EXOC6B: variants seen among roughly 807,000 people sequenced by gnomAD.
EXOC6B encodes SEC15 homolog B.
EXOC6B carries 54 observed loss-of-function variants against 113.5 expected under a neutral mutation model. The observed-to-expected ratio is 0.48, with a 90% confidence interval of 0.38 to 0.60. The LOEUF (loss-of-function observed/expected upper bound fraction) is 0.60, where lower values mean the gene tolerates loss of function less well. EXOC6B is among the 20% of genes least tolerant of loss of function. EXOC6B has a pLI of 0.00. For missense variants in EXOC6B, 797 were observed against 977.5 expected (o/e 0.82, Z 2.46); for synonymous variants, 357 against 339.0 (o/e 1.05, Z -0.58).
intron 8 of EXOC6B, among the ~76,000 whole-genome samples, chr2:72,534,575 G>A (rs756814562): frequency 9.9e-5 from 15 of 152,010 alleles, no homozygotes; most frequent in South Asian, 2.1e-4. Flanking sequence ...GCAACTTTAC[G>A]TACGCTTAAG....
At chr2:72,263,742 T>G (rs991203624) in intron 20 of EXOC6B, among the ~76,000 whole-genome samples, 1 of 152,134 alleles carries the variant, frequency 6.6e-6, no homozygotes, top group Non-Finnish European at 1.5e-5. Context: ...GAAAATGAGC[T>G]AGAAGATGAT....
intron 8 of EXOC6B, among the ~76,000 whole-genome samples, chr2:72,553,005 T>C (rs1703327124): frequency 6.6e-6 from 1 of 151,788 alleles, no homozygotes; most frequent in Admixed American, 6.6e-5. Flanking sequence ...ATGATTCCAG[T>C]CAATACAGTA....
rs1701148053 is a variant in EXOC6B at position 72,515,090 on chromosome 2, GT to G, written c.951del (p.Lys317AsnfsTer21). ...ACCAAACGAGCCTGTTTTCGCCTCT[GT>G]TTTCGGTAGTAATTCTCAAATGTTT... ...ARETFENYYR[K>X]QRRKQARLVL... On this transcript the variant is annotated frameshift_variant, in exon 9 of 22. Coordinates refer to ENST00000272427, the MANE Select transcript of EXOC6B (RefSeq NM_015189.3). LOFTEE classifies it high-confidence loss of function. 6.2e-7 allele frequency: 1 copy of G among 1,606,964 alleles called. No individual in the cohort carries two copies. The highest frequency in any genetic ancestry group is 1.7e-5 in the Admixed American group (1 of 59,218).
At chr2:72,706,775 A>G (rs1678907446) in intron 6 of EXOC6B, among the ~76,000 whole-genome samples, 1 of 152,150 alleles carries the variant, frequency 6.6e-6, no homozygotes, top group Admixed American at 6.5e-5. Context: ...CACTCATCCT[A>G]TCAAGAGATA....
intron 1 of EXOC6B, among the ~76,000 whole-genome samples, chr2:72,817,359 C>T (rs940246737): frequency 1.3e-5 from 2 of 152,130 alleles, no homozygotes; most frequent in African/African-American, 4.8e-5. Flanking sequence ...TATGTAGAGG[C>T]TTTTGAAATT....
At chr2:72,428,230 GA>G (rs1039408719) in intron 18 of EXOC6B, among the ~76,000 whole-genome samples, 5 of 152,200 alleles carry the variant, frequency 3.3e-5, no homozygotes, top group Admixed American at 2.0e-4. Context: ...AAACAGGGCT[GA>G]AACACACCCC....
chr2:72,348,506 A>G (rs1040148317), intron 19 of EXOC6B, among the ~76,000 whole-genome samples: 6 of 152,164 alleles, frequency 3.9e-5, no homozygotes, highest in African/African-American at 9.6e-5. Flanking sequence ...TCTTCTCTTC[A>G]TCTCATTTTT....
At chr2:72,626,070 CTA>C (rs1337375482) in intron 6 of EXOC6B, among the ~76,000 whole-genome samples, 3 of 151,954 alleles carry the variant, frequency 2.0e-5, no homozygotes, top group Non-Finnish European at 4.4e-5. Flanking sequence ...CAATCTAAAG[CTA>C]TGTTTTTCCC....
At chr2:72,791,690 T>G (rs902597726) in intron 1 of EXOC6B, among the ~76,000 whole-genome samples, 1 of 152,218 alleles carries the variant, frequency 6.6e-6, no homozygotes, top group African/African-American at 2.4e-5. Context: ...AGCTGGGAAG[T>G]AGTCAATACC....
chr2:72,628,793 G>A (rs1573514298), intron 6 of EXOC6B, among the ~76,000 whole-genome samples: 1 of 152,122 alleles, frequency 6.6e-6, no homozygotes, highest in South Asian at 2.1e-4. Context: ...CATTTCTGTT[G>A]TTTATAAGCC....
intron 1 of EXOC6B, among the ~76,000 whole-genome samples, chr2:72,747,556 T>C (rs1159375186): frequency 6.6e-6 from 1 of 152,076 alleles, no homozygotes; most frequent in Non-Finnish European, 1.5e-5. Context: ...TATGACTTAA[T>C]AAATTTCCCA....
At chr2:72,639,826 C>A (rs1673101742) in intron 6 of EXOC6B, among the ~76,000 whole-genome samples, 1 of 152,118 alleles carries the variant, frequency 6.6e-6, no homozygotes, top group Non-Finnish European at 1.5e-5. Flanking sequence ...CAATCGTATT[C>A]TCAAAGTCAT....
intron 1 of EXOC6B, among the ~76,000 whole-genome samples, chr2:72,789,200 C>T (rs1684539264): frequency 6.6e-6 from 1 of 152,126 alleles, no homozygotes; most frequent in Non-Finnish European, 1.5e-5. Flanking sequence ...TCCCAAAATC[C>T]CAAAGGAACT....
chr2:72,810,014 C>A (rs1685792612), intron 1 of EXOC6B, among the ~76,000 whole-genome samples: 1 of 152,108 alleles, frequency 6.6e-6, no homozygotes, highest in African/African-American at 2.4e-5. Context: ...CAAACTTTAA[C>A]AAATTTAAAA....
intron 19 of EXOC6B, among the ~76,000 whole-genome samples, chr2:72,365,194 A>G (rs1394456648): frequency 3.1e-4 from 47 of 151,970 alleles, no homozygotes; most frequent in Non-Finnish European, 7.4e-5. Context: ...TTCTTCCTGT[A>G]CTTTTCTTTT....
At chr2:72,549,050 A>C (rs1470000375) in intron 8 of EXOC6B, among the ~76,000 whole-genome samples, 1 of 152,092 alleles carries the variant, frequency 6.6e-6, no homozygotes, top group African/African-American at 2.4e-5. Context: ...AATAAGAACT[A>C]GTAAGATAAA....
intron 8 of EXOC6B, among the ~76,000 whole-genome samples, chr2:72,550,891 C>T (rs971538089): frequency 5.3e-5 from 8 of 151,122 alleles, no homozygotes; most frequent in African/African-American, 1.9e-4. Context: ...ATAACAATTA[C>T]GAGATAACTG....
At chr2:72,218,457 T>C (rs1226515215) in intron 20 of EXOC6B, among the ~76,000 whole-genome samples, 1 of 152,224 alleles carries the variant, frequency 6.6e-6, no homozygotes, top group Admixed American at 6.5e-5. Flanking sequence ...TATGTATATG[T>C]ATGTATTTAT....
At chr2:72,419,560 A>G (rs1694738641) in intron 18 of EXOC6B, among the ~76,000 whole-genome samples, 1 of 151,912 alleles carries the variant, frequency 6.6e-6, no homozygotes, top group Non-Finnish European at 1.5e-5. Context: ...TTGAAGGACA[A>G]TTTTTCCAGA....
Sources: allele counts gnomAD v4.1 joint callset (sites outside exome capture counted in the v4.1 genomes callset), GRCh38; gene constraint gnomAD v4.1.1; transcripts MANE v1.5; gene names NCBI Gene and HGNC (gene_info 2026-07-23, HGNC 2026-07-21).